The following PDE1C variants were observed in gnomAD, a reference collection of about 807,000 sequenced individuals.
PDE1C encodes phosphodiesterase 1C.
A neutral mutation model predicts 93.1 loss-of-function variants in PDE1C; 62 were observed. That is an observed-to-expected ratio of 0.67 (90% CI 0.54 to 0.82). The LOEUF (loss-of-function observed/expected upper bound fraction) is 0.82. PDE1C is among the 40% of genes least tolerant of loss of function. The probability of loss-of-function intolerance (pLI) is 0.00; values close to 1 mark genes in which losing one functional copy is unlikely to be tolerated. For missense variants in PDE1C, 742 were observed against 884.6 expected, an observed-to-expected ratio of 0.84 and a Z score of 2.04; for synonymous variants, 325 against 310.1, an observed-to-expected ratio of 1.05 and a Z score of -0.50.
At chr7:31,834,887 C>T (rs1188363990) in intron 11 of PDE1C, among the ~76,000 whole-genome samples, 1 of 151,836 alleles carries the variant, frequency 6.6e-6, no homozygotes, top group East Asian at 1.9e-4. Flanking sequence ...TGGCTGTGTC[C>T]CTACCCAAAT....
chr7:31,801,506 A>C (rs1323806689), intron 16 of PDE1C, among the ~76,000 whole-genome samples: 1 of 151,472 alleles, frequency 6.6e-6, no homozygotes, highest in Non-Finnish European at 1.5e-5. Context: ...TAGGAATGCC[A>C]ATTATGTCAA....
exon 1 of PDE1C, chr7:32,298,969 C>T: frequency 7.7e-7 from 1 of 1,295,874 alleles, no homozygotes; most frequent in Non-Finnish European, 9.7e-7. Flanking sequence ...TCGCGACTGC[C>T]CCATCTCCAA....
At chr7:32,298,560 C>T (rs1053932585) in intron 1 of PDE1C, 27 of 1,456,180 alleles carry the variant, frequency 1.9e-5, no homozygotes, top group Non-Finnish European at 2.3e-5. Context: ...GACCCCTGAG[C>T]TCCCCCTGCC....
chr7:32,197,024 C>G (rs1424356441), intron 2 of PDE1C, among the ~76,000 whole-genome samples: 2 of 152,136 alleles, frequency 1.3e-5, no homozygotes, highest in Non-Finnish European at 2.9e-5. Context: ...TTAGGGGTTT[C>G]TATTTTCTTC....
intron 2 of PDE1C, among the ~76,000 whole-genome samples, chr7:31,977,609 A>C (rs1374617015): frequency 1.3e-5 from 2 of 152,090 alleles, no homozygotes; most frequent in Non-Finnish European, 2.9e-5. Context: ...ACCTGACCCA[A>C]ATTACTTTGT....
At chr7:32,148,004 A>AAAAAAAAAAAAAAAAAAAAAC (rs1801010622) in intron 3 of PDE1C, among the ~76,000 whole-genome samples, 1 of 149,834 alleles carries the variant, frequency 6.7e-6, no homozygotes, top group Non-Finnish European at 1.5e-5. Flanking sequence ...AAAAAAAAAA[A>AAAAAAAAAAAAAAAAAAAAAC]AGCCTAACCT....
chr7:31,761,048 C>T (rs1374323542), intron 17 of PDE1C, among the ~76,000 whole-genome samples: 2 of 152,212 alleles, frequency 1.3e-5, no homozygotes, highest in African/African-American at 2.4e-5. Context: ...ATTTCAGGAA[C>T]CGCTGTGGTA....
chr7:31,644,086 T>G, the PDE1C span: 1 of 753,684 alleles, frequency 1.3e-6, no homozygotes, highest in South Asian at 1.9e-5. Flanking sequence ...TGAATAACAT[T>G]TGTAGAGTGC....
chr7:31,773,775 GT>G (rs1320586662), intron 17 of PDE1C, among the ~76,000 whole-genome samples: 1 of 152,136 alleles, frequency 6.6e-6, no homozygotes, highest in Non-Finnish European at 1.5e-5. Context: ...TACCCAGTAA[GT>G]GCCTGTCACC....
chr7:31,940,661 G>GCA (rs892544037), intron 2 of PDE1C, among the ~76,000 whole-genome samples: 9 of 150,288 alleles, frequency 6.0e-5, no homozygotes, highest in Admixed American at 2.0e-4. Flanking sequence ...TCCCTGAAGG[G>GCA]CAACAAGCCC....
At chr7:31,944,106 C>T (rs1806238097) in intron 2 of PDE1C, among the ~76,000 whole-genome samples, 2 of 152,216 alleles carry the variant, frequency 1.3e-5, no homozygotes, top group South Asian at 4.1e-4. Context: ...CTAAAATGAA[C>T]TCCTTTTCAC....
At chr7:32,266,333 G>A (rs1054756141) in intron 1 of PDE1C, among the ~76,000 whole-genome samples, 41 of 151,708 alleles carry the variant, frequency 2.7e-4, no homozygotes, top group African/African-American at 8.0e-4. Flanking sequence ...CCTGCCATAA[G>A]CCCTGGAACC....
intron 17 of PDE1C, among the ~76,000 whole-genome samples, chr7:31,770,049 C>A (rs566852358): frequency 6.6e-6 from 1 of 152,310 alleles, no homozygotes; most frequent in East Asian, 1.9e-4. Flanking sequence ...GCTAATTTCA[C>A]CACATCTTCA....
At chr7:32,191,636 G>A (rs1478250357) in intron 2 of PDE1C, among the ~76,000 whole-genome samples, 1 of 152,108 alleles carries the variant, frequency 6.6e-6, no homozygotes, top group African/African-American at 2.4e-5. Context: ...ATACATCTGG[G>A]TTGCTTCCAA....
chr7:32,096,388 A>G (rs969256185), intron 3 of PDE1C, among the ~76,000 whole-genome samples: 5 of 152,232 alleles, frequency 3.3e-5, no homozygotes, highest in African/African-American at 1.2e-4. Flanking sequence ...ATCTTAAAGT[A>G]TCTCCAAAAC....
chr7:31,671,067 C>A, the PDE1C span, among the ~76,000 whole-genome samples: 1 of 152,156 alleles, frequency 6.6e-6, no homozygotes, highest in Non-Finnish European at 1.5e-5. Flanking sequence ...CAATAAAATC[C>A]CCCACATTTG....
At chr7:31,749,317 G>A (rs778256008), downstream of PDE1C, among the ~76,000 whole-genome samples, 9 of 152,124 alleles carry the variant, frequency 5.9e-5, no homozygotes, top group Non-Finnish European at 7.4e-5. Context: ...AGAGGTGGTG[G>A]TGGAAGTGGA....
rs112411077 is a variant in PDE1C, at chr7:31,805,363, C to A, written c.1891+3668G>T. On this transcript the variant is annotated intron_variant, in intron 16 of 17. Transcript: ENST00000396191. ...TTTTCCACTTAATATTTTCAGACCA[C>A]AGTTGGCTATGGGTAATTAAAACCA... Among the ~76,000 whole-genome samples the A allele has an allele frequency of 3.3e-3, 497 of 151,990 alleles. 6 individuals are homozygous for A. Among genetic ancestry groups the A allele is most frequent in the Middle Eastern group, 0.014 (4 of 294 alleles).
chr7:32,362,695 GC>G (rs1784158288), intron 1 of PDE1C, among the ~76,000 whole-genome samples: 1 of 152,144 alleles, frequency 6.6e-6, no homozygotes, highest in Non-Finnish European at 1.5e-5. Flanking sequence ...CTCCTCTCCT[GC>G]CTTTTCTCAA....
Sources: allele counts gnomAD v4.1 joint callset (sites outside exome capture counted in the v4.1 genomes callset), GRCh38; gene constraint gnomAD v4.1.1; transcripts MANE v1.5; gene names NCBI Gene and HGNC (gene_info 2026-07-23, HGNC 2026-07-21).